Variants in PCDHGA12 observed in about 807,000 individuals in gnomAD.
PCDHGA12 encodes protocadherin gamma subfamily A, 12, also known as protocadherin gamma-A12.
Under a neutral mutation model 61.1 loss-of-function variants are expected in PCDHGA12, and 43 were observed. The observed-to-expected ratio is 0.70, with a 90% CI of 0.55 to 0.91. PCDHGA12 has a LOEUF of 0.91. Among genes scored for constraint, PCDHGA12 ranks in the 40% least tolerant of loss-of-function variants. The pLI is 0.00. For missense variants in PCDHGA12, 1,236 were observed against 1,227.7 expected, an observed-to-expected ratio of 1.01 and a Z score of -0.10; for synonymous variants, 520 against 542.9, an observed-to-expected ratio of 0.96 and a Z score of 0.59.
chr5:141,482,728 A>T (rs192207285), intron 1 of PCDHGA12, among the ~76,000 whole-genome samples: 97 of 128,396 alleles, frequency 7.6e-4, no homozygotes, highest in Admixed American at 3.3e-3. Context: ...GGGCCATTGC[A>T]AGAAATTCCA....
chr5:141,463,135 C>G (rs1352400365), intron 1 of PCDHGA12, among the ~76,000 whole-genome samples: 1 of 152,128 alleles, frequency 6.6e-6, no homozygotes, highest in African/African-American at 2.4e-5. Flanking sequence ...GGCAGTTCTT[C>G]GCCCAGCTGC....
At chr5:141,438,834 T>A (rs915381229) in intron 1 of PCDHGA12, among the ~76,000 whole-genome samples, 5 of 150,606 alleles carry the variant, frequency 3.3e-5, no homozygotes, top group South Asian at 2.1e-4. Context: ...GCTAATTTTT[T>A]AAAATATTTT....
Position 141,431,547 on chromosome 5 carries a change from T to C in PCDHGA12, c.788T>C (p.Val263Ala). The change falls in exon 1 of 4, where the codon GTA (valine) becomes GCA (alanine). Residue 263 changes from valine to alanine, a missense_variant. Physicochemically the swap from Val to Ala is moderately conservative, Grantham distance 64. Transcript: ENST00000252085. The surrounding 1 kb of genome is among the most constrained non-coding windows in gnomAD (Gnocchi z 4.8). ...CTGGCCTTGGGCACGCAGCTGCTTG[T>C]AGTCAACGCTACCGACCCTGACGAA... Reference protein sequence around the residue: ...ENLALGTQLLVVNATDPDEGV... With the variant: ...ENLALGTQLLAVNATDPDEGV... The C allele has an allele frequency of 1.2e-6, 2 of 1,614,096 alleles. No homozygotes were observed. The highest frequency in any genetic ancestry group is 2.2e-5 in the East Asian group (1 of 44,882).
intron 1 of PCDHGA12, among the ~76,000 whole-genome samples, chr5:141,450,467 T>C (rs997813636): frequency 9.2e-5 from 14 of 151,944 alleles, no homozygotes; most frequent in African/African-American, 3.2e-4. Flanking sequence ...ATTTTATATA[T>C]AGAGTTTGTT....
rs186484297 is a variant in PCDHGA12 at position 141,453,739 on chromosome 5, A to G, written c.2424+20556A>G. ...TAAAAATATTTGTTACTACAGCTTA[A>G]ATAACATAAGTCTCCTAAAAATAAT... On this transcript the variant is annotated intron_variant, in intron 1 of 3. Coordinates refer to ENST00000252085, the MANE Select transcript of PCDHGA12 (RefSeq NM_003735.3). Among the ~76,000 whole-genome samples, 2 of 152,370 alleles carry G rather than the reference A, an allele frequency of 1.3e-5. 1 individual carries two copies. Among genetic ancestry groups the G allele is most frequent in the Admixed American group, 1.3e-4 (2 of 15,300 alleles).
intron 1 of PCDHGA12, among the ~76,000 whole-genome samples, chr5:141,483,393 C>T (rs1475344614): frequency 6.6e-6 from 1 of 152,080 alleles, no homozygotes; most frequent in Admixed American, 6.5e-5. Flanking sequence ...TTGATAAATG[C>T]TTGAACCAGC....
intron 1 of PCDHGA12, among the ~76,000 whole-genome samples, chr5:141,433,995 CT>C (rs2097669147): frequency 2.6e-5 from 4 of 152,028 alleles, no homozygotes; most frequent in Admixed American, 2.0e-4. Flanking sequence ...GTTTTATATT[CT>C]CTATATATGT....
chr5:141,432,706 C>T lies in PCDHGA12; in HGVS notation c.1947C>T (p.His649=), dbSNP rs761752571. ...GCCTCGTAGTGGCCGTCCAGGACCA[C>T]GGCCAGCCCCCTCTCTCCGCCACTG... ...KQSLVVAVQD[H]GQPPLSATVT... Residue 649 remains histidine, a synonymous_variant, in exon 1 of 4, where the codon CAC becomes CAT. Transcript: ENST00000252085. The surrounding 1 kb of genome is among the most constrained non-coding windows in gnomAD (Gnocchi z 6.0). 10 of 1,613,870 alleles carry T rather than the reference C, an allele frequency of 6.2e-6. No homozygotes were observed. The East Asian group carries it at 1.1e-4, about 18-fold the overall frequency.
Position 141,476,676 on chromosome 5 carries a change from G to T in PCDHGA12, c.2425-18131G>T. 1.2e-6 allele frequency: 2 copies of T among 1,614,222 alleles called. No individual in the cohort carries two copies. The highest frequency in any genetic ancestry group is 1.7e-6 in the Non-Finnish European group (2 of 1,180,054). ...TACTTTGCGCTTCGCGTGCAGACGC[G>T]GGAGGACAGCACCAAGTACGCGGAG... On this transcript the variant is annotated intron_variant, in intron 1 of 3. Transcript: ENST00000252085. The surrounding 1 kb of genome is among the most constrained non-coding windows in gnomAD (Gnocchi z 7.6).
chr5:141,457,877 C>A (rs1488774514), intron 1 of PCDHGA12, among the ~76,000 whole-genome samples: 1 of 152,196 alleles, frequency 6.6e-6, no homozygotes, highest in Admixed American at 6.6e-5. Context: ...AGGTTAGGAA[C>A]CCTGTGTGGG....
chr5:141,463,548 A>C (rs2099063677), intron 1 of PCDHGA12, among the ~76,000 whole-genome samples: 1 of 140,798 alleles, frequency 7.1e-6, no homozygotes, highest in Non-Finnish European at 1.5e-5. Context: ...TCCCGGGTTC[A>C]TGCCATTCTC....
chr5:141,477,752 G>C lies in PCDHGA12; in HGVS notation c.2425-17055G>C. On this transcript the variant is annotated intron_variant, in intron 1 of 3. Coordinates refer to ENST00000252085, the MANE Select transcript of PCDHGA12 (RefSeq NM_003735.3). This position sits in a 1 kb window ranked among gnomAD's most constrained non-coding sequence, Gnocchi z 4.9. ...TCATATCAGCGATGGGGGCACCCCG[G>C]TCCTAGCCACCAACATCAGCGTGAA... The C allele has an allele frequency of 6.2e-7, 1 of 1,613,868 alleles. No homozygotes were observed.
Position 141,490,916 on chromosome 5 carries a change from A to C in PCDHGA12, c.2425-3891A>C. 1 of 1,613,724 alleles carries C rather than the reference A, an allele frequency of 6.2e-7. No homozygotes were observed. Among genetic ancestry groups the C allele is most frequent in the Non-Finnish European group, 8.5e-7 (1 of 1,179,736 alleles). ...CATGTGTTTGTCCTAGACGAGAATG[A>C]TAATGCCCCAGCTGTGCTGCACCCA... is the stretch of plus-strand genomic sequence containing the variant. On this transcript the variant is annotated intron_variant, in intron 1 of 3. Transcript: ENST00000252085. This position sits in a 1 kb window ranked among gnomAD's most constrained non-coding sequence, Gnocchi z 5.4.
chr5:141,496,192 C>T (rs942276204), intron 2 of PCDHGA12, among the ~76,000 whole-genome samples: 1 of 152,098 alleles, frequency 6.6e-6, no homozygotes, highest in Non-Finnish European at 1.5e-5. Flanking sequence ...CCCAGCTGCT[C>T]ATTTCAATCT....
chr5:141,486,688 C>G lies in PCDHGA12; in HGVS notation c.2425-8119C>G, dbSNP rs748605515. On this transcript the variant is annotated intron_variant, in intron 1 of 3. Coordinates refer to ENST00000252085, the MANE Select transcript of PCDHGA12 (RefSeq NM_003735.3). This position sits in a 1 kb window ranked among gnomAD's most constrained non-coding sequence, Gnocchi z 5.0. ...CCAGGAATCGAGATGTATCAGCTTCCTCTTTCATCTCTCTGAACCCCCAGA... is the reference window on the plus strand; with the variant it reads ...CCAGGAATCGAGATGTATCAGCTTCGTCTTTCATCTCTCTGAACCCCCAGA... The G allele has an allele frequency of 1.2e-6, 2 of 1,614,170 alleles. No homozygotes were observed. The highest frequency in any genetic ancestry group is 8.5e-7 in the Non-Finnish European group (1 of 1,180,044).
intron 2 of PCDHGA12, among the ~76,000 whole-genome samples, chr5:141,498,009 C>T (rs1160103624): frequency 6.6e-6 from 1 of 152,146 alleles, no homozygotes; most frequent in African/African-American, 2.4e-5. Context: ...TTACAGTGCA[C>T]TGAAGGAGAC....
chr5:141,453,052 G>A (rs1299518260), intron 1 of PCDHGA12, among the ~76,000 whole-genome samples: 2 of 152,062 alleles, frequency 1.3e-5, no homozygotes, highest in East Asian at 3.9e-4. Flanking sequence ...ATTATGTGCA[G>A]TTTTAGAGTT....
At position 141,430,831 on chromosome 5, in the gene PCDHGA12, G is replaced by A; in HGVS notation, c.72G>A (p.Trp24Ter). ...VLLGILLGTL[W>*]ETGCTQIRYS... is the part of the protein sequence containing the mutation. ...TGGGAATCCTCCTGGGGACTCTGTGGGAGACCGGATGCACCCAGATACGCT... is the reference window on the plus strand; with the variant it reads ...TGGGAATCCTCCTGGGGACTCTGTGAGAGACCGGATGCACCCAGATACGCT... Residue 24 changes from tryptophan (W) to a stop codon, truncating the protein, a stop_gained, in exon 1 of 4, where the codon TGG (tryptophan) becomes TGA (stop). Coordinates refer to ENST00000252085, the MANE Select transcript of PCDHGA12 (RefSeq NM_003735.3). LOFTEE classifies it high-confidence loss of function. 3 of 1,555,334 alleles carry A rather than the reference G, an allele frequency of 1.9e-6. No individual in the cohort carries two copies. In the South Asian group the frequency reaches 3.8e-5, roughly 19 times the overall value.
intron 1 of PCDHGA12, 109 bp downstream of exon 1, chr5:141,433,292 C>A: frequency 9.2e-7 from 1 of 1,082,526 alleles, no homozygotes; most frequent in South Asian, 1.6e-5. Context: ...CTCCTAGGCT[C>A]AAGCAATTAT....
Sources: gnomAD v4.1 joint callset for allele counts (sites outside exome capture counted in the v4.1 genomes callset) on GRCh38, gnomAD v4.1.1 for gene constraint, Gnocchi (gnomAD v3.1) non-coding constraint, MANE v1.5 for transcripts, NCBI Gene and HGNC (gene_info 2026-07-23, HGNC 2026-07-21) for gene names.